The following SLC4A10 variants were observed in gnomAD, a reference collection of about 807,000 sequenced individuals.
SLC4A10 encodes the protein solute carrier family 4 member 10, also known as sodium-driven chloride bicarbonate exchanger.
A neutral mutation model predicts 137.7 loss-of-function variants in SLC4A10; 42 were observed. The observed-to-expected ratio is 0.30, with a 90% CI of 0.24 to 0.39. The LOEUF (loss-of-function observed/expected upper bound fraction) is 0.39, where lower values mean the gene tolerates loss of function less well. Ranked by LOEUF, SLC4A10 falls within the 10% of genes least tolerant of loss-of-function variation. The pLI is 1.00. For missense variants in SLC4A10, 925 were observed against 1,355.0 expected, an observed-to-expected ratio of 0.68 and a Z score of 4.98; for synonymous variants, 474 against 464.1, an observed-to-expected ratio of 1.02 and a Z score of -0.27.
chr2:161,932,021 GT>G (rs1429280988), intron 15 of SLC4A10, among the ~76,000 whole-genome samples: 1 of 152,006 alleles, frequency 6.6e-6, no homozygotes, highest in Non-Finnish European at 1.5e-5. Flanking sequence ...TTGTGTTTTA[GT>G]TTCCTTTTTG....
intron 1 of SLC4A10, among the ~76,000 whole-genome samples, chr2:161,682,776 C>G (rs1309481495): frequency 6.6e-6 from 1 of 152,050 alleles, no homozygotes; most frequent in Non-Finnish European, 1.5e-5. Flanking sequence ...GAATCTCTCC[C>G]CCTCTGCCTG....
chr2:161,666,740 C>T (rs1332518449), intron 1 of SLC4A10, among the ~76,000 whole-genome samples: 1 of 151,622 alleles, frequency 6.6e-6, no homozygotes, highest in Non-Finnish European at 1.5e-5. Flanking sequence ...CTGGAACATA[C>T]TATAATTCTT....
intron 1 of SLC4A10, among the ~76,000 whole-genome samples, chr2:161,715,287 A>G (rs1290162432): frequency 6.6e-6 from 1 of 152,028 alleles, no homozygotes; most frequent in East Asian, 1.9e-4. Flanking sequence ...AATTGAGACT[A>G]AAGACATGAA....
At chr2:161,833,687 A>G (rs529876143) in intron 3 of SLC4A10, among the ~76,000 whole-genome samples, 40 of 152,290 alleles carry the variant, frequency 2.6e-4, no homozygotes, top group African/African-American at 7.7e-4. Context: ...AATCTATGTT[A>G]TGTATTCAGA....
At chr2:161,945,492 G>A (rs1693619970) in intron 16 of SLC4A10, among the ~76,000 whole-genome samples, 1 of 151,270 alleles carries the variant, frequency 6.6e-6, no homozygotes, top group East Asian at 1.9e-4. Flanking sequence ...AGCATTTTTT[G>A]AGTACCCATT....
At chr2:161,951,829 T>A (rs1036015246) in intron 19 of SLC4A10, among the ~76,000 whole-genome samples, 1 of 152,114 alleles carries the variant, frequency 6.6e-6, no homozygotes, top group Non-Finnish European at 1.5e-5. Flanking sequence ...AATAATTACA[T>A]AAATGTAAGA....
At chr2:161,630,137 C>G (rs1186776239) in intron 1 of SLC4A10, among the ~76,000 whole-genome samples, 2 of 151,826 alleles carry the variant, frequency 1.3e-5, no homozygotes, top group Non-Finnish European at 3.0e-5. Context: ...GTACTACATG[C>G]TATTCTCATG....
At chr2:161,833,862 AG>A (rs2058594296) in intron 3 of SLC4A10, among the ~76,000 whole-genome samples, 2 of 152,212 alleles carry the variant, frequency 1.3e-5, no homozygotes, top group Admixed American at 1.3e-4. Context: ...AATTAAAAAA[AG>A]TTTCCAACTC....
intron 1 of SLC4A10, among the ~76,000 whole-genome samples, chr2:161,679,686 CGT>C (rs67726464): frequency 0.044 from 6,044 of 136,628 alleles, 334 homozygotes; most frequent in East Asian, 0.24. Flanking sequence ...TGTAGGTCAA[CGT>C]GTGTGTGTGT....
chr2:161,702,959 C>G (rs1026454122), intron 1 of SLC4A10, among the ~76,000 whole-genome samples: 1 of 151,704 alleles, frequency 6.6e-6, no homozygotes, highest in Admixed American at 6.6e-5. Flanking sequence ...TTAATGTATG[C>G]CTACCTTTCC....
At chr2:161,715,985 G>C (rs1055494691) in intron 1 of SLC4A10, among the ~76,000 whole-genome samples, 1 of 151,958 alleles carries the variant, frequency 6.6e-6, no homozygotes, top group Admixed American at 6.6e-5. Context: ...CCACAGCCTC[G>C]CTAGCATCTG....
chr2:161,766,111 A>T (rs1355240386), intron 1 of SLC4A10, among the ~76,000 whole-genome samples: 1 of 152,166 alleles, frequency 6.6e-6, no homozygotes, highest in African/African-American at 2.4e-5. Flanking sequence ...CGTACTGTAT[A>T]TGAAGCTTCA....
intron 1 of SLC4A10, among the ~76,000 whole-genome samples, chr2:161,762,615 C>T (rs1001006909): frequency 1.3e-5 from 2 of 151,862 alleles, no homozygotes; most frequent in Admixed American, 6.6e-5. Flanking sequence ...TGTAATGTAA[C>T]ATAAAAGTAA....
At chr2:161,829,564 C>A (rs2058287657) in intron 3 of SLC4A10, among the ~76,000 whole-genome samples, 1 of 152,136 alleles carries the variant, frequency 6.6e-6, no homozygotes, top group Non-Finnish European at 1.5e-5. Flanking sequence ...ATTGAACTTA[C>A]AATTCATCTA....
chr2:161,874,066 G>T, intron 8 of SLC4A10, 61 bp downstream of exon 8: 1 of 1,463,972 alleles, frequency 6.8e-7, no homozygotes, highest in African/African-American at 1.4e-5. Context: ...CTGTATGGAG[G>T]CATGTGATTC....
chr2:161,756,023 C>T (rs963806435), intron 1 of SLC4A10, among the ~76,000 whole-genome samples: 4 of 152,106 alleles, frequency 2.6e-5, no homozygotes, highest in Non-Finnish European at 4.4e-5. Flanking sequence ...CCCCCCTCAG[C>T]CTCCCAAAGT....
Position 161,898,310 on chromosome 2 carries a change from CAT to C in SLC4A10, c.1342-2598_1342-2597del, listed in dbSNP as rs1221269800. On this transcript the variant is annotated intron_variant, in intron 11 of 26. Transcript: ENST00000446997. Reference sequence around the variant, plus strand: ...TTTAATTACCTTAAATGTAAATAGACATATGTAGTTTGTGGCTATCATATTAG... The same window carrying C: ...TTTAATTACCTTAAATGTAAATAGACATGTAGTTTGTGGCTATCATATTAG... Among the ~76,000 whole-genome samples, 14 of 152,164 alleles carry C rather than the reference CAT, an allele frequency of 9.2e-5. No homozygotes were observed. The East Asian group carries it at 2.7e-3, about 29-fold the overall frequency.
intron 4 of SLC4A10, among the ~76,000 whole-genome samples, chr2:161,850,806 GTTAAC>G (rs1347734931): frequency 6.6e-6 from 1 of 152,110 alleles, no homozygotes; most frequent in Non-Finnish European, 1.5e-5. Flanking sequence ...ATGTTAGGTT[GTTAAC>G]TTAAGTTGTA....
chr2:161,751,406 G>C (rs1199815497), intron 1 of SLC4A10, among the ~76,000 whole-genome samples: 1 of 105,102 alleles, frequency 9.5e-6, no homozygotes, highest in South Asian at 2.8e-4. Flanking sequence ...TTTTGTTTTT[G>C]TATAACTTCT....
Sources: allele counts gnomAD v4.1 joint callset (sites outside exome capture counted in the v4.1 genomes callset), GRCh38; gene constraint gnomAD v4.1.1; transcripts MANE v1.5; gene names NCBI Gene and HGNC (gene_info 2026-07-23, HGNC 2026-07-21).